Variants in TFDP2 observed in about 807,000 individuals in gnomAD.
TFDP2 encodes transcription factor Dp-2.
Under a neutral mutation model 59.3 loss-of-function variants are expected in TFDP2, and 17 were observed. The observed-to-expected ratio is 0.29, with a 90% CI of 0.20 to 0.43. TFDP2 has a LOEUF of 0.43. TFDP2 is among the 20% of genes least tolerant of loss of function. The pLI is 1.00. For synonymous variants in TFDP2, 180 were observed against 194.7 expected, an observed-to-expected ratio of 0.92 and a Z score of 0.63; for missense variants, 391 against 528.8, an observed-to-expected ratio of 0.74 and a Z score of 2.56.
At chr3:142,085,106 A>G (rs1023167656) in intron 3 of TFDP2, among the ~76,000 whole-genome samples, 2 of 152,088 alleles carry the variant, frequency 1.3e-5, no homozygotes, top group African/African-American at 4.8e-5. Context: ...TTTTTAGTAG[A>G]GACAGGGTTT....
intron 6 of TFDP2, among the ~76,000 whole-genome samples, chr3:141,987,938 C>CAAAAAA (rs373394427): frequency 5.4e-5 from 7 of 129,594 alleles, no homozygotes; most frequent in Non-Finnish European, 9.7e-5. Flanking sequence ...GACCCTGCCT[C>CAAAAAA]AAAAAAAAAA....
intron 3 of TFDP2, among the ~76,000 whole-genome samples, chr3:142,021,007 C>T (rs1263097123): frequency 6.6e-6 from 1 of 151,766 alleles, no homozygotes; most frequent in Non-Finnish European, 1.5e-5. Context: ...ATAGTTTTCA[C>T]TTTATTTACT....
chr3:142,055,941 C>CTTT lies in TFDP2; in HGVS notation c.82+37117_82+37119dup, dbSNP rs529693273. Among the ~76,000 whole-genome samples, 6 of 70,186 alleles carry CTTT rather than the reference C, an allele frequency of 8.5e-5. No individual in the cohort carries two copies. In the East Asian group the frequency reaches 1.7e-3, roughly 20 times the overall value. 46.0% of individuals were successfully genotyped at this position (70,186 alleles called of 152,430 possible). On this transcript the variant is annotated intron_variant, in intron 3 of 12. Coordinates refer to ENST00000489671, the MANE Select transcript of TFDP2 (RefSeq NM_001178139.2). ...AAGCCCACATGCATTTATTAAGTAC[C>CTTT]TTTTTTTTTTTTTTTTTTTTTTTTT... is the stretch of plus-strand genomic sequence containing the variant.
intron 3 of TFDP2, among the ~76,000 whole-genome samples, chr3:142,086,410 C>A (rs1458790381): frequency 6.6e-6 from 1 of 152,176 alleles, no homozygotes; most frequent in East Asian, 1.9e-4. Flanking sequence ...TTCTGACCAA[C>A]CAGCTATAAA....
chr3:141,960,339 G>GTCCTGAGA (rs1223857152), intron 10 of TFDP2, among the ~76,000 whole-genome samples: 1 of 152,146 alleles, frequency 6.6e-6, no homozygotes, highest in Non-Finnish European at 1.5e-5. Context: ...CCCAAATCCT[G>GTCCTGAGA]TCCTGAGAGG....
chr3:141,982,034 T>C (rs563924149), intron 6 of TFDP2, among the ~76,000 whole-genome samples: 20 of 152,270 alleles, frequency 1.3e-4, no homozygotes, highest in African/African-American at 2.2e-4. Flanking sequence ...CACTGTCCAA[T>C]ACCCCTAGGC....
rs377148823 is a variant in TFDP2, at chr3:142,052,265, C to T, written c.82+40796G>A. Among the ~76,000 whole-genome samples the T allele has an allele frequency of 3.5e-4, 53 of 152,070 alleles. 1 individual carries two copies. In the South Asian group the frequency reaches 9.4e-3, roughly 27 times the overall value. ...AGAAAACCTTAGTATTGGCCGTGCG[C>T]GGTGGCTCACGCCTATAATCCCAGC... On this transcript the variant is annotated intron_variant, in intron 3 of 12. Transcript: ENST00000489671.
At chr3:142,141,079 A>C (rs2062939118) in intron 1 of TFDP2, among the ~76,000 whole-genome samples, 1 of 152,108 alleles carries the variant, frequency 6.6e-6, no homozygotes, top group Admixed American at 6.6e-5. Flanking sequence ...GCAATGGCGG[A>C]CACCCCTCCC....
chr3:142,052,263 C>T (rs1357016748), intron 3 of TFDP2, among the ~76,000 whole-genome samples: 2 of 152,032 alleles, frequency 1.3e-5, no homozygotes, highest in Admixed American at 6.6e-5. Flanking sequence ...ATTGGCCGTG[C>T]GCGGTGGCTC....
At chr3:142,067,741 G>A (rs563746322) in intron 3 of TFDP2, among the ~76,000 whole-genome samples, 1 of 152,246 alleles carries the variant, frequency 6.6e-6, no homozygotes, top group South Asian at 2.1e-4. Context: ...GGTAGCTCAT[G>A]CCTGTAATCT....
chr3:142,141,361 C>G (rs1386904844), intron 1 of TFDP2, among the ~76,000 whole-genome samples: 9 of 152,220 alleles, frequency 5.9e-5, no homozygotes, highest in Non-Finnish European at 1.2e-4. Context: ...TCGGCTCACC[C>G]TCTGTGGGCT....
chr3:142,114,667 C>G (rs943710751), intron 1 of TFDP2, among the ~76,000 whole-genome samples: 1 of 149,608 alleles, frequency 6.7e-6, no homozygotes, highest in African/African-American at 2.5e-5. Flanking sequence ...TTCTTTTTTT[C>G]CTACCTTCTT....
intron 3 of TFDP2, among the ~76,000 whole-genome samples, chr3:142,010,678 G>A (rs1358863161): frequency 6.1e-5 from 9 of 148,754 alleles, no homozygotes; most frequent in African/African-American, 9.9e-5. Context: ...GAAAATTTTC[G>A]CAACCTACTC....
At chr3:141,997,248 A>G (rs1320784260) in intron 4 of TFDP2, among the ~76,000 whole-genome samples, 5 of 152,218 alleles carry the variant, frequency 3.3e-5, no homozygotes, top group South Asian at 4.1e-4. Flanking sequence ...ATAATAGGGG[A>G]AAAAGTAACT....
chr3:141,987,502 C>G (rs113363649), intron 6 of TFDP2, among the ~76,000 whole-genome samples: 1 of 148,176 alleles, frequency 6.7e-6, no homozygotes, highest in Non-Finnish European at 1.5e-5. Flanking sequence ...AGGCTGGTGT[C>G]GAACTCCTGA....
At chr3:142,064,414 G>A (rs73232664) in intron 3 of TFDP2, among the ~76,000 whole-genome samples, 12,858 of 152,068 alleles carry the variant, frequency 0.085, 690 homozygotes, top group Middle Eastern at 0.14. Context: ...GATAAAATTC[G>A]AGAACTACTG....
chr3:141,956,447 G>A (rs1936662686), intron 11 of TFDP2, among the ~76,000 whole-genome samples: 1 of 152,046 alleles, frequency 6.6e-6, no homozygotes, highest in South Asian at 2.1e-4. Flanking sequence ...AGCTACTTGG[G>A]AGGCTGAGAC....
intron 3 of TFDP2, among the ~76,000 whole-genome samples, chr3:142,072,261 A>G (rs1350284881): frequency 1.3e-5 from 2 of 152,248 alleles, no homozygotes; most frequent in Admixed American, 6.5e-5. Context: ...TATAATATGT[A>G]TCATTACAGA....
chr3:142,116,929 AT>A (rs59708446), intron 1 of TFDP2, among the ~76,000 whole-genome samples: 4 of 149,996 alleles, frequency 2.7e-5, no homozygotes, highest in East Asian at 2.0e-4. Context: ...CTGGAAAAGG[AT>A]TTTTTTTTTG....
Sources: allele counts gnomAD v4.1 joint callset (sites outside exome capture counted in the v4.1 genomes callset), GRCh38; gene constraint gnomAD v4.1.1; transcripts MANE v1.5; gene names NCBI Gene and HGNC (gene_info 2026-07-23, HGNC 2026-07-21).